The following PHACTR1 variants were observed in gnomAD, a reference collection of about 807,000 sequenced individuals.
PHACTR1 encodes the protein phosphatase and actin regulator 1.
PHACTR1 carries 16 observed loss-of-function variants against 69.2 expected under a neutral mutation model. That is an observed-to-expected ratio of 0.23 (90% CI 0.16 to 0.35). The LOEUF (loss-of-function observed/expected upper bound fraction) is 0.35, where lower values mean the gene tolerates loss of function less well. PHACTR1 is among the 10% of genes least tolerant of loss of function. The pLI is 1.00. For synonymous variants in PHACTR1, 312 were observed against 284.5 expected (o/e 1.10, Z -0.97); for missense variants, 510 against 734.7 (o/e 0.69, Z 3.54).
At position 13,182,656 on chromosome 6, in the gene PHACTR1, C is replaced by T; in HGVS notation, c.634C>T (p.Leu212Phe). Residue 212 changes from leucine (L) to phenylalanine (F), a missense_variant, in exon 7 of 15, where the codon CTC becomes TTC. Physicochemically the swap from Leu to Phe is conservative, Grantham distance 22 (BLOSUM62 0). Around this residue, in one of 2 missense-constraint regions of PHACTR1, gnomAD observed 419 missense variants for 530.9 expected, o/e 0.79. Coordinates refer to ENST00000332995, the MANE Select transcript of PHACTR1 (RefSeq NM_030948.6). ...CAGGGATCCCTGCTCATATGAGGTG[C>T]TCCAACCGTCAGACATCATGGATGG... is the stretch of plus-strand genomic sequence containing the variant. ...MPRDPCSYEV[L>F]QPSDIMDGPD... 6.3e-7 allele frequency: 1 copy of T among 1,581,974 alleles called. No individual in the cohort carries two copies. Among genetic ancestry groups the T allele is most frequent in the Admixed American group, 1.8e-5 (1 of 55,240 alleles).
intron 4 of PHACTR1, among the ~76,000 whole-genome samples, chr6:12,832,621 T>C (rs773586228): frequency 3.9e-5 from 6 of 152,066 alleles, no homozygotes; most frequent in Non-Finnish European, 8.8e-5. Flanking sequence ...GCCAATGAAG[T>C]CGCAAAGCAA....
chr6:13,124,725 T>C (rs900397935), intron 5 of PHACTR1, among the ~76,000 whole-genome samples: 2 of 152,180 alleles, frequency 1.3e-5, no homozygotes, highest in Non-Finnish European at 2.9e-5. Context: ...GGTGCCCGCA[T>C]GGTGGGGTTC....
chr6:12,763,963 A>G (rs1288993835), intron 4 of PHACTR1, among the ~76,000 whole-genome samples: 1 of 152,148 alleles, frequency 6.6e-6, no homozygotes, highest in East Asian at 1.9e-4. Flanking sequence ...AGCCCAACTG[A>G]GAAATATGTG....
chr6:12,732,103 C>T (rs774608722), intron 3 of PHACTR1, among the ~76,000 whole-genome samples: 8 of 151,182 alleles, frequency 5.3e-5, no homozygotes, highest in African/African-American at 4.9e-5. Flanking sequence ...GAAACCTGCC[C>T]GAGTCTCCAC....
chr6:13,122,319 T>A (rs1046315633), intron 5 of PHACTR1, among the ~76,000 whole-genome samples: 4 of 152,256 alleles, frequency 2.6e-5, no homozygotes, highest in African/African-American at 9.6e-5. Context: ...ATTCCCCAAA[T>A]TCATATTCAG....
intron 4 of PHACTR1, among the ~76,000 whole-genome samples, chr6:12,769,742 C>G (rs987187574): frequency 6.6e-6 from 1 of 152,164 alleles, no homozygotes; most frequent in Non-Finnish European, 1.5e-5. Context: ...CAGACAGACT[C>G]GGGCTGAGCA....
intron 4 of PHACTR1, among the ~76,000 whole-genome samples, chr6:13,046,139 C>T (rs938353247): frequency 9.9e-5 from 15 of 152,084 alleles, no homozygotes; most frequent in African/African-American, 3.4e-4. Flanking sequence ...CATGATGTGG[C>T]GTAATGGTTG....
chr6:12,830,492 C>T (rs931671679), intron 4 of PHACTR1, among the ~76,000 whole-genome samples: 16 of 151,630 alleles, frequency 1.1e-4, no homozygotes, highest in Admixed American at 2.6e-4. Flanking sequence ...GGAGGGAAAC[C>T]GAAGAGCCTT....
intron 7 of PHACTR1, among the ~76,000 whole-genome samples, chr6:13,197,834 C>A (rs1764652248): frequency 6.6e-6 from 1 of 152,198 alleles, no homozygotes; most frequent in African/African-American, 2.4e-5. Flanking sequence ...CTCCACAAGG[C>A]TCTGGGCATT....
At chr6:13,127,615 A>G (rs371068904) in intron 5 of PHACTR1, among the ~76,000 whole-genome samples, 21 of 152,196 alleles carry the variant, frequency 1.4e-4, no homozygotes, top group Admixed American at 9.8e-4. Context: ...TGGTCTTTGT[A>G]TACTTACTGG....
chr6:13,261,417 C>A lies in PHACTR1; in HGVS notation c.1392-11443C>A, dbSNP rs188304296. Among the ~76,000 whole-genome samples the A allele has an allele frequency of 2.3e-3, 346 of 152,324 alleles. 2 individuals carry two copies. Among genetic ancestry groups the A allele is most frequent in the South Asian group, 8.1e-3 (39 of 4,826 alleles). ...CACAAACATTAAGCATCTCCAGTTA[C>A]CAGACTCTGTGCTAGGCTCTGCAGA... On this transcript the variant is annotated intron_variant, in intron 10 of 14. Coordinates refer to ENST00000332995, the MANE Select transcript of PHACTR1 (RefSeq NM_030948.6).
chr6:13,054,304 A>T (rs577645818), intron 5 of PHACTR1, among the ~76,000 whole-genome samples: 4 of 152,366 alleles, frequency 2.6e-5, no homozygotes, highest in African/African-American at 9.6e-5. Context: ...AAGGGTGTGC[A>T]GAGGGAAATG....
chr6:12,795,707 A>T (rs1000836855), intron 4 of PHACTR1, among the ~76,000 whole-genome samples: 1 of 151,798 alleles, frequency 6.6e-6, no homozygotes, highest in African/African-American at 2.4e-5. Flanking sequence ...CAGTTGATCT[A>T]TATAAGGAAC....
chr6:13,171,253 A>G (rs1029706816), intron 6 of PHACTR1, among the ~76,000 whole-genome samples: 1 of 146,690 alleles, frequency 6.8e-6, no homozygotes, highest in Non-Finnish European at 1.5e-5. Context: ...GTGCCTCTGT[A>G]GTTCTGTCTC....
chr6:12,727,654 AC>A (rs1476936347), intron 3 of PHACTR1, among the ~76,000 whole-genome samples: 1 of 152,144 alleles, frequency 6.6e-6, no homozygotes, highest in Non-Finnish European at 1.5e-5. Flanking sequence ...GCCAGCCATG[AC>A]CCAGTTAGCA....
At chr6:13,206,157 G>A in intron 8 of PHACTR1, 21 bp downstream of exon 8, 3 of 1,530,764 alleles carry the variant, frequency 2.0e-6, no homozygotes, top group Admixed American at 1.9e-5. Context: ...GCACCAGGAG[G>A]GAGGACGGGA....
At chr6:12,957,682 G>T in intron 4 of PHACTR1, 1 of 985,626 alleles carries the variant, frequency 1.0e-6, no homozygotes, top group Non-Finnish European at 1.2e-6. Flanking sequence ...GACCATCGTG[G>T]AGGCGGTTTT....
chr6:12,911,667 T>TA (rs545016809), intron 4 of PHACTR1, among the ~76,000 whole-genome samples: 61 of 150,586 alleles, frequency 4.1e-4, no homozygotes, highest in African/African-American at 1.2e-3. Context: ...ATTTTTTGTT[T>TA]AAAAAAAAAA....
intron 4 of PHACTR1, among the ~76,000 whole-genome samples, chr6:12,951,989 A>T (rs1044501483): frequency 6.6e-6 from 1 of 152,156 alleles, no homozygotes; most frequent in Non-Finnish European, 1.5e-5. Context: ...CCCAGTGAAA[A>T]ACAATTGGTG....
Sources: gnomAD v4.1 joint callset for allele counts (sites outside exome capture counted in the v4.1 genomes callset) on GRCh38, gnomAD v4.1.1 for gene constraint, gnomAD v4.1.1 regional missense constraint, MANE v1.5 for transcripts, NCBI Gene and HGNC (gene_info 2026-07-23, HGNC 2026-07-21) for gene names.